Variants in PCDH15 observed in about 807,000 individuals in gnomAD.
PCDH15 encodes the protein protocadherin-15.
PCDH15 carries 129 observed loss-of-function variants against 178.5 expected under a neutral mutation model. The ratio of observed to expected loss-of-function variants is 0.72; its 90% CI spans 0.63 to 0.84. The LOEUF is 0.84. Among genes scored for constraint, PCDH15 ranks in the 40% least tolerant of loss-of-function variants. The pLI is 0.00. For missense variants in PCDH15, 2,230 were observed against 2,099.9 expected (o/e 1.06, Z -1.21); for synonymous variants, 800 against 732.0 (o/e 1.09, Z -1.50).
At chr10:54,255,394 T>G (rs757386131) in intron 8 of PCDH15, among the ~76,000 whole-genome samples, 5 of 152,196 alleles carry the variant, frequency 3.3e-5, no homozygotes, top group Non-Finnish European at 7.4e-5. Context: ...ACTTAGAACT[T>G]TCTTAGTTGT....
At chr10:54,044,105 G>A (rs1186144353) in intron 18 of PCDH15, among the ~76,000 whole-genome samples, 1 of 152,074 alleles carries the variant, frequency 6.6e-6, no homozygotes. Context: ...ACATGACTGA[G>A]GATAGATCTT....
At chr10:55,080,833 G>A (rs2250764) in intron 2 of PCDH15, among the ~76,000 whole-genome samples, 5 of 151,946 alleles carry the variant, frequency 3.3e-5, no homozygotes, top group Non-Finnish European at 5.9e-5. Context: ...TGCTGCTCTG[G>A]TATGGAGGGT....
chr10:54,676,305 T>C (rs990234407), intron 1 of PCDH15, among the ~76,000 whole-genome samples: 1 of 152,092 alleles, frequency 6.6e-6, no homozygotes, highest in Non-Finnish European at 1.5e-5. Context: ...TGTTTTTATT[T>C]CTGTGACCCA....
intron 2 of PCDH15, among the ~76,000 whole-genome samples, chr10:54,944,614 C>A (rs1838147609): frequency 6.6e-6 from 1 of 151,888 alleles, no homozygotes; most frequent in East Asian, 1.9e-4. Flanking sequence ...CACATATCAA[C>A]ATATCAGTCA....
intron 1 of PCDH15, among the ~76,000 whole-genome samples, chr10:54,691,237 A>G (rs959084679): frequency 1.3e-5 from 2 of 152,108 alleles, no homozygotes; most frequent in South Asian, 2.1e-4. Flanking sequence ...AGCAGCCTAC[A>G]CATAATTTGG....
intron 1 of PCDH15, among the ~76,000 whole-genome samples, chr10:54,698,743 C>T (rs1361457888): frequency 6.6e-6 from 1 of 152,114 alleles, no homozygotes; most frequent in East Asian, 1.9e-4. Context: ...AATGTTCTAA[C>T]ATTATGCCTG....
chr10:54,992,218 T>G lies in PCDH15; in HGVS notation c.-79-94718A>C, dbSNP rs1385532144. ...TCCATCTTCACTTCTATGGAAAATA[T>G]GTTTCTCCACCACACTGCCATTTGA... On this transcript the variant is annotated intron_variant, in intron 2 of 5. Transcript: ENST00000458638. 2.6e-5 allele frequency among the ~76,000 whole-genome samples: 4 copies of G among 152,302 alleles called. No homozygotes were observed. In the East Asian group the frequency reaches 7.7e-4, roughly 29 times the overall value.
At chr10:54,436,656 A>G (rs7088742) in intron 3 of PCDH15, among the ~76,000 whole-genome samples, 73,309 of 151,902 alleles carry the variant, frequency 0.48, 18,512 homozygotes, top group African/African-American at 0.54. Flanking sequence ...AGTTCTGATC[A>G]TCCTTAACCT....
intron 2 of PCDH15, among the ~76,000 whole-genome samples, chr10:55,556,077 C>T (rs1449192369): frequency 6.6e-6 from 1 of 152,118 alleles, no homozygotes; most frequent in Non-Finnish European, 1.5e-5. Context: ...CTTTTTCTCT[C>T]TCTCCATATA....
chr10:54,512,395 G>C (rs924750438), intron 3 of PCDH15, among the ~76,000 whole-genome samples: 1 of 140,584 alleles, frequency 7.1e-6, no homozygotes, highest in East Asian at 2.3e-4. Flanking sequence ...GTGTGTGTGT[G>C]TGTGTGTATT....
chr10:54,516,648 C>G (rs940649233), intron 3 of PCDH15, among the ~76,000 whole-genome samples: 4 of 152,200 alleles, frequency 2.6e-5, no homozygotes, highest in Non-Finnish European at 2.9e-5. Flanking sequence ...AGGATATTAT[C>G]CAGGAGAACT....
intron 1 of PCDH15, among the ~76,000 whole-genome samples, chr10:55,230,124 G>T (rs1258519622): frequency 6.6e-6 from 1 of 151,916 alleles, no homozygotes; most frequent in Non-Finnish European, 1.5e-5. Flanking sequence ...ATTGCTATAT[G>T]CAAATAAAGT....
intron 1 of PCDH15, among the ~76,000 whole-genome samples, chr10:55,274,919 G>A (rs1417622963): frequency 6.6e-6 from 1 of 152,098 alleles, no homozygotes; most frequent in Non-Finnish European, 1.5e-5. Flanking sequence ...AGCTCAGGCA[G>A]TAATGCTCAC....
intron 8 of PCDH15, among the ~76,000 whole-genome samples, chr10:54,294,734 T>A (rs2059637243): frequency 6.6e-6 from 1 of 152,194 alleles, no homozygotes; most frequent in South Asian, 2.1e-4. Flanking sequence ...AGCTTTTAAT[T>A]AATTCATCAA....
At chr10:54,286,743 C>T (rs1018119006) in intron 8 of PCDH15, among the ~76,000 whole-genome samples, 1 of 152,194 alleles carries the variant, frequency 6.6e-6, no homozygotes, top group Non-Finnish European at 1.5e-5. Flanking sequence ...CTTCCTGCCT[C>T]AGCCTCCAGA....
At chr10:54,190,752 A>G (rs1564639292) in intron 11 of PCDH15, among the ~76,000 whole-genome samples, 2 of 152,182 alleles carry the variant, frequency 1.3e-5, no homozygotes, top group African/African-American at 4.8e-5. Flanking sequence ...CATAAACTAA[A>G]ATGGCTTTAA....
At chr10:54,085,370 C>T (rs1466303668) in intron 16 of PCDH15, among the ~76,000 whole-genome samples, 5 of 152,144 alleles carry the variant, frequency 3.3e-5, no homozygotes, top group Admixed American at 6.5e-5. Context: ...GTTGGCATCA[C>T]AGACCCCATG....
intron 13 of PCDH15, among the ~76,000 whole-genome samples, chr10:54,163,297 G>A (rs2045896127): frequency 6.6e-6 from 1 of 152,000 alleles, no homozygotes. Flanking sequence ...AGTTTTAATT[G>A]ACTCACAGTT....
intron 2 of PCDH15, among the ~76,000 whole-genome samples, chr10:54,542,880 C>G (rs182697974): frequency 6.6e-6 from 1 of 152,310 alleles, no homozygotes; most frequent in African/African-American, 2.4e-5. Context: ...GCCATGCCCC[C>G]ATCCTGGGCC....
Sources: allele counts gnomAD v4.1 joint callset (sites outside exome capture counted in the v4.1 genomes callset), GRCh38; gene constraint gnomAD v4.1.1; transcripts MANE v1.5; gene names NCBI Gene and HGNC (gene_info 2026-07-23, HGNC 2026-07-21).